Variants in GLG1 observed in about 807,000 individuals in gnomAD.
GLG1 encodes the protein golgi glycoprotein 1.
A neutral mutation model predicts 160.5 loss-of-function variants in GLG1; 38 were observed. The ratio of observed to expected loss-of-function variants is 0.24; its 90% CI spans 0.18 to 0.31. The LOEUF (loss-of-function observed/expected upper bound fraction) is 0.31, where lower values mean the gene tolerates loss of function less well. Among genes scored for constraint, GLG1 ranks in the 10% least tolerant of loss-of-function variants. The pLI, the probability that GLG1 is intolerant of heterozygous loss-of-function variation, is 1.00. For synonymous variants in GLG1, 644 were observed against 543.4 expected (o/e 1.19, Z -2.57); for missense variants, 1,373 against 1,505.2 (o/e 0.91, Z 1.45).
chr16:74,594,192 C>A (rs750431287), intron 1 of GLG1, among the ~76,000 whole-genome samples: 1 of 152,202 alleles, frequency 6.6e-6, no homozygotes, highest in East Asian at 1.9e-4. Flanking sequence ...CAGGTGTGAG[C>A]CACTGCGCCC....
chr16:74,462,264 G>GAA (rs925388929), intron 21 of GLG1, 69 bp from the exon 22 acceptor site: 23 of 701,922 alleles, frequency 3.3e-5, no homozygotes, highest in South Asian at 4.1e-5. Context: ...AGCAGGACAT[G>GAA]AAAAAAAAAA....
chr16:74,452,312 TGGA>T lies in GLG1; in HGVS notation c.*852_*854del, dbSNP rs1319283293. 3 of 1,407,736 alleles carry T rather than the reference TGGA, an allele frequency of 2.1e-6. No individual in the cohort carries two copies. The highest frequency in any genetic ancestry group is 2.9e-5 in the Admixed American group (1 of 34,986). The allele number at this position is 1,407,736 out of a possible 1,614,324, so 87.2% of individuals were successfully genotyped here. A position where few individuals can be genotyped will look rare whatever the true frequency, so the allele number is the denominator to read the frequency against. On this transcript the variant is annotated 3_prime_UTR_variant, in exon 26 of 26. Coordinates refer to ENST00000422840, the MANE Select transcript of GLG1 (RefSeq NM_001145667.2). ...GACATGGCTGAGTCCTGTGCTGCCC[TGGA>T]GGAGGAAGGTTCCTGGGATCCTGCT...
At chr16:74,548,121 A>C (rs1467884399) in intron 1 of GLG1, among the ~76,000 whole-genome samples, 1 of 152,184 alleles carries the variant, frequency 6.6e-6, no homozygotes, top group Non-Finnish European at 1.5e-5. Context: ...GTCAATAGTC[A>C]ATATCTATTT....
chr16:74,592,831 T>G (rs1958215358), intron 1 of GLG1, among the ~76,000 whole-genome samples: 1 of 152,206 alleles, frequency 6.6e-6, no homozygotes, highest in Non-Finnish European at 1.5e-5. Flanking sequence ...AAATGGCTGC[T>G]ATCGTTTGAA....
rs769396186 is a variant in GLG1 at position 74,491,228 on chromosome 16, G to GT, written c.1235-14dup. On this transcript the variant is annotated splice_polypyrimidine_tract_variant and intron_variant, in intron 7 of 25. Coordinates refer to ENST00000422840, the MANE Select transcript of GLG1 (RefSeq NM_001145667.2). ...CTGACTTGTCGCCCTAAGTTAGGAT[G>GT]TAAGTCATAACATTACGAAGGGTGA... 2 of 1,577,106 alleles carry GT rather than the reference G, an allele frequency of 1.3e-6. No homozygotes were observed. The highest frequency in any genetic ancestry group is 1.7e-6 in the Non-Finnish European group (2 of 1,146,448).
chr16:74,502,722 GTTTTTTTT>G (rs745410150), intron 4 of GLG1, among the ~76,000 whole-genome samples: 2 of 109,586 alleles, frequency 1.8e-5, no homozygotes, highest in East Asian at 2.7e-4. Flanking sequence ...TTTGTTTTTG[GTTTTTTTT>G]TTTTTTTTTT....
At chr16:74,516,063 T>TA (rs1350117101) in intron 2 of GLG1, among the ~76,000 whole-genome samples, 1 of 151,590 alleles carries the variant, frequency 6.6e-6, no homozygotes, top group African/African-American at 2.4e-5. Flanking sequence ...AGCAAGTTCT[T>TA]AGAGACCTAC....
intron 2 of GLG1, among the ~76,000 whole-genome samples, chr16:74,529,492 C>T (rs2017456792): frequency 6.6e-6 from 1 of 151,874 alleles, no homozygotes; most frequent in South Asian, 2.1e-4. Context: ...TTATTTTCCT[C>T]TATTTTATTA....
chr16:74,529,386 C>G (rs900866309), intron 2 of GLG1, among the ~76,000 whole-genome samples: 6 of 151,912 alleles, frequency 3.9e-5, no homozygotes, highest in African/African-American at 1.5e-4. Flanking sequence ...AAGACTAATT[C>G]TCGGTTGAAA....
chr16:74,472,341 TC>T lies in GLG1; in HGVS notation c.2115+7del. 2 of 1,602,262 alleles carry T rather than the reference TC, an allele frequency of 1.2e-6. No individual in the cohort carries two copies. Among genetic ancestry groups the T allele is most frequent in the Non-Finnish European group, 1.7e-6 (2 of 1,169,262 alleles). ...TTTTTAACCCTTGCTCCTCCAGACATCACTTACGTGGCAGAAGTTCTGAATT... is the reference window on the plus strand; with the variant it reads ...TTTTTAACCCTTGCTCCTCCAGACATACTTACGTGGCAGAAGTTCTGAATT... On this transcript the variant is annotated splice_region_variant and intron_variant, in intron 14 of 25. Transcript: ENST00000422840.
chr16:74,520,590 C>T (rs1213387307), intron 2 of GLG1, among the ~76,000 whole-genome samples: 2 of 152,122 alleles, frequency 1.3e-5, no homozygotes, highest in African/African-American at 4.8e-5. Flanking sequence ...GAGCCAAGAT[C>T]ACACCATTGC....
intron 19 of GLG1, among the ~76,000 whole-genome samples, chr16:74,465,107 G>A (rs2014952026): frequency 6.6e-6 from 1 of 152,154 alleles, no homozygotes; most frequent in Non-Finnish European, 1.5e-5. Context: ...TGAAAGTGCT[G>A]GGATTACAGG....
chr16:74,476,565 A>G lies in GLG1; in HGVS notation c.1965+831T>C, dbSNP rs114705860. Among the ~76,000 whole-genome samples the G allele has an allele frequency of 3.6e-3, 543 of 152,300 alleles. 1 individual carries two copies. Among genetic ancestry groups the G allele is most frequent in the African/African-American group, 0.013 (535 of 41,566 alleles). ...ACCCAGAAACCTGAGTTCACTCCTT[A>G]TTTATGTGGCTTTAAACACGCAGTA... On this transcript the variant is annotated intron_variant, in intron 12 of 25. Coordinates refer to ENST00000422840, the MANE Select transcript of GLG1 (RefSeq NM_001145667.2).
rs2014289495 is a variant in GLG1, at chr16:74,451,262, G to GTT, written c.*1903_*1904dup. ...GGAGACTGAAGCATCCCAGACAGCTGTTGACAATCAGGAAGACCCTACAAG... is the reference window on the plus strand; with the variant it reads ...GGAGACTGAAGCATCCCAGACAGCTGTTTTGACAATCAGGAAGACCCTACAAG... On this transcript the variant is annotated 3_prime_UTR_variant, in exon 26 of 26. Transcript: ENST00000422840. 1 of 152,236 alleles carries GTT rather than the reference G, an allele frequency of 6.6e-6. No homozygotes were observed. Among genetic ancestry groups the GTT allele is most frequent in the Non-Finnish European group, 1.5e-5 (1 of 68,078 alleles). 9.4% of individuals were successfully genotyped at this position (152,236 alleles called of 1,614,324 possible).
At chr16:74,534,857 C>G (rs1321682648) in intron 1 of GLG1, among the ~76,000 whole-genome samples, 1 of 152,214 alleles carries the variant, frequency 6.6e-6, no homozygotes, top group Non-Finnish European at 1.5e-5. Flanking sequence ...TCATTCCTTC[C>G]TAAGAGGTGC....
intron 2 of GLG1, among the ~76,000 whole-genome samples, chr16:74,528,810 T>TAAAAAA (rs2017427943): frequency 1.0e-4 from 1 of 9,868 alleles, no homozygotes; most frequent in Non-Finnish European, 2.3e-4. Context: ...AGATTCTGTC[T>TAAAAAA]CAAAAAAAAA....
At chr16:74,463,732 T>TTGTTGTTGTTG (rs57313187) in intron 19 of GLG1, among the ~76,000 whole-genome samples, 7 of 151,132 alleles carry the variant, frequency 4.6e-5, no homozygotes, top group African/African-American at 1.7e-4. Flanking sequence ...TTGTGTTTTT[T>TTGTTGTTGTTG]TTGTTGTTGT....
At chr16:74,528,155 C>A (rs2017400851) in intron 2 of GLG1, among the ~76,000 whole-genome samples, 1 of 152,074 alleles carries the variant, frequency 6.6e-6, no homozygotes, top group African/African-American at 2.4e-5. Context: ...GCGTGAGCCA[C>A]AAAACCTGGC....
chr16:74,598,949 T>C (rs1009664099), intron 1 of GLG1, among the ~76,000 whole-genome samples: 21 of 151,812 alleles, frequency 1.4e-4, no homozygotes, highest in Non-Finnish European at 2.6e-4. Flanking sequence ...TTTTTGTTAT[T>C]GTTCCTGAGT....
Sources: allele counts gnomAD v4.1 joint callset (sites outside exome capture counted in the v4.1 genomes callset), GRCh38; gene constraint gnomAD v4.1.1; transcripts MANE v1.5; gene names NCBI Gene and HGNC (gene_info 2026-07-23, HGNC 2026-07-21).